Variants in MSR1 observed in about 807,000 individuals in gnomAD.
MSR1 encodes the protein macrophage scavenger receptor types I and II.
A neutral mutation model predicts 47.2 loss-of-function variants in MSR1; 53 were observed. That is an observed-to-expected ratio of 1.12 (90% CI 0.90 to 1.41). The LOEUF (loss-of-function observed/expected upper bound fraction) is 1.41, where lower values mean the gene tolerates loss of function less well. Ranked by LOEUF, MSR1 falls within the 40% of genes most tolerant of loss-of-function variation. The probability of loss-of-function intolerance (pLI) is 0.00; values close to 1 mark genes in which losing one functional copy is unlikely to be tolerated. For missense variants in MSR1, 786 were observed against 546.9 expected (o/e 1.44, Z -4.36); for synonymous variants, 239 against 185.6 (o/e 1.29, Z -2.34).
chr8:16,178,960 T>G (rs12216764), intron 1 of MSR1, among the ~76,000 whole-genome samples: 33,790 of 152,134 alleles, frequency 0.22, 4,901 homozygotes, highest in East Asian at 0.54. Flanking sequence ...TTAGTTAAAT[T>G]TGTATATCTC....
chr8:16,164,615 G>T (rs1220999181), intron 4 of MSR1, among the ~76,000 whole-genome samples: 1 of 151,890 alleles, frequency 6.6e-6, no homozygotes, highest in African/African-American at 2.4e-5. Context: ...ACTTACAGTG[G>T]CAACATAGTC....
intron 6 of MSR1, among the ~76,000 whole-genome samples, chr8:16,153,892 A>G (rs912844521): frequency 4.8e-4 from 73 of 152,088 alleles, no homozygotes; most frequent in African/African-American, 1.7e-3. Context: ...AGTCAAGTAG[A>G]AAGACTTTCC....
intron 1 of MSR1, among the ~76,000 whole-genome samples, chr8:16,181,619 G>A (rs1247895223): frequency 1.3e-5 from 2 of 152,076 alleles, no homozygotes; most frequent in South Asian, 2.1e-4. Context: ...TGGACCCAGG[G>A]AGGGGAACAT....
intron 9 of MSR1, among the ~76,000 whole-genome samples, chr8:16,110,490 T>C (rs969854249): frequency 2.0e-5 from 3 of 152,016 alleles, no homozygotes; most frequent in South Asian, 2.1e-4. Flanking sequence ...ATTAAGAATG[T>C]TTTTTTAAGG....
At chr8:16,190,766 G>A (rs1411111076) in intron 1 of MSR1, among the ~76,000 whole-genome samples, 3 of 140,524 alleles carry the variant, frequency 2.1e-5, no homozygotes, top group African/African-American at 8.7e-5. Context: ...TTGTTGCCCA[G>A]GCTGGAGTGC....
chr8:16,131,766 G>C (rs114039446), intron 8 of MSR1, among the ~76,000 whole-genome samples: 1 of 151,576 alleles, frequency 6.6e-6, no homozygotes, highest in East Asian at 1.9e-4. Flanking sequence ...TGTTTTTATC[G>C]GCTTTGTCAA....
At chr8:16,185,183 G>C (rs573261193) in intron 1 of MSR1, among the ~76,000 whole-genome samples, 1 of 151,714 alleles carries the variant, frequency 6.6e-6, no homozygotes, top group African/African-American at 2.4e-5. Context: ...ACATTCATCA[G>C]AGATAATGAA....
intron 9 of MSR1, among the ~76,000 whole-genome samples, chr8:16,112,919 A>C (rs1056113177): frequency 1.4e-5 from 2 of 142,738 alleles, no homozygotes; most frequent in Admixed American, 7.1e-5. Flanking sequence ...GTAGGGATTG[A>C]TATTGATTAT....
Position 16,109,895 on chromosome 8 carries a change from T to G in MSR1, c.*190A>C. The G allele has an allele frequency of 7.5e-6, 5 of 665,282 alleles. No individual in the cohort carries two copies. In the South Asian group the frequency reaches 1.0e-4, roughly 14 times the overall value. The allele number at this position is 665,282 out of a possible 1,614,324, so 41.2% of individuals were successfully genotyped here. A position where few individuals can be genotyped will look rare whatever the true frequency, so the allele number is the denominator to read the frequency against. ...ATTCCATTTAAAAACCTATAGAAGT[T>G]AAAATGATTTAAATATAGACATAAA... On this transcript the variant is annotated 3_prime_UTR_variant, in exon 10 of 10. Transcript: ENST00000262101.
intron 8 of MSR1, among the ~76,000 whole-genome samples, chr8:16,123,338 C>T (rs1800049820): frequency 6.6e-6 from 1 of 152,288 alleles, no homozygotes; most frequent in South Asian, 2.1e-4. Flanking sequence ...GCTTCACCTA[C>T]TATTCAACTG....
chr8:16,175,874 A>T (rs1382192060), intron 2 of MSR1, among the ~76,000 whole-genome samples: 1 of 152,202 alleles, frequency 6.6e-6, no homozygotes, highest in African/African-American at 2.4e-5. Flanking sequence ...ACTAATCTTT[A>T]GAATGGATCA....
At chr8:16,171,345 A>G (rs1191000684) in intron 3 of MSR1, among the ~76,000 whole-genome samples, 1 of 151,990 alleles carries the variant, frequency 6.6e-6, no homozygotes, top group East Asian at 1.9e-4. Flanking sequence ...AAAATACATG[A>G]TACCATATTT....
At chr8:16,183,166 G>A (rs1044505280) in intron 1 of MSR1, among the ~76,000 whole-genome samples, 7 of 152,070 alleles carry the variant, frequency 4.6e-5, no homozygotes, top group East Asian at 3.9e-4. Context: ...CTACCTACTG[G>A]CCCCTTCTCC....
At chr8:16,135,092 T>A (rs905750101) in intron 8 of MSR1, among the ~76,000 whole-genome samples, 3 of 152,136 alleles carry the variant, frequency 2.0e-5, no homozygotes, top group African/African-American at 7.2e-5. Flanking sequence ...CAGAAAATTG[T>A]CCAGAAGATC....
intron 8 of MSR1, chr8:16,140,185 G>C (rs1800516128): frequency 1.0e-6 from 1 of 984,840 alleles, no homozygotes; most frequent in African/African-American, 1.8e-5. Context: ...ACTCATGACA[G>C]TTCTCCTAGA....
chr8:16,129,313 G>C (rs931642434), intron 8 of MSR1, among the ~76,000 whole-genome samples: 3 of 152,100 alleles, frequency 2.0e-5, no homozygotes, highest in Non-Finnish European at 4.4e-5. Flanking sequence ...AGCAGGATAT[G>C]AGTAAGAAGT....
chr8:16,170,026 A>G (rs1719552409), intron 3 of MSR1, among the ~76,000 whole-genome samples: 1 of 152,122 alleles, frequency 6.6e-6, no homozygotes, highest in African/African-American at 2.4e-5. Flanking sequence ...TCTAGTTTCA[A>G]AAAAATAAAA....
chr8:16,140,465 T>G (rs4333601), intron 8 of MSR1: 266,514 of 987,460 alleles, frequency 0.27, 38,837 homozygotes, highest in East Asian at 0.55. Flanking sequence ...ACACCCTAGT[T>G]GTAGTCTCAT....
intron 9 of MSR1, among the ~76,000 whole-genome samples, chr8:16,120,115 C>T (rs1585135378): frequency 6.6e-6 from 1 of 152,000 alleles, no homozygotes; most frequent in African/African-American, 2.4e-5. Flanking sequence ...CGGTGGCTCT[C>T]GCCTGTAATC....
Sources: allele counts gnomAD v4.1 joint callset (sites outside exome capture counted in the v4.1 genomes callset), GRCh38; gene constraint gnomAD v4.1.1; transcripts MANE v1.5; gene names NCBI Gene and HGNC (gene_info 2026-07-23, HGNC 2026-07-21).